Variants in PKD1L1 observed in about 807,000 individuals in gnomAD.
The protein encoded by PKD1L1 is polycystin-1-like protein 1.
PKD1L1 carries 236 observed loss-of-function variants against 323.4 expected under a neutral mutation model. The ratio of observed to expected loss-of-function variants is 0.73; its 90% confidence interval spans 0.66 to 0.81. The LOEUF (loss-of-function observed/expected upper bound fraction) is 0.81, where lower values mean the gene tolerates loss of function less well. Ranked by LOEUF, PKD1L1 falls within the 40% of genes least tolerant of loss-of-function variation. The pLI is 0.00. For missense variants in PKD1L1, 3,320 were observed against 3,508.0 expected (o/e 0.95, Z 1.35); for synonymous variants, 1,344 against 1,335.0 (o/e 1.01, Z -0.15).
intron 50 of PKD1L1, among the ~76,000 whole-genome samples, chr7:47,811,345 T>C (rs1430724789): frequency 1.3e-5 from 2 of 152,076 alleles, no homozygotes; most frequent in African/African-American, 2.4e-5. Flanking sequence ...TCAGTAGAGA[T>C]GGGTTTTCAC....
chr7:47,866,343 G>C, intron 25 of PKD1L1, 76 bp downstream of exon 25: 1 of 1,483,154 alleles, frequency 6.7e-7, no homozygotes, highest in East Asian at 2.3e-5. Flanking sequence ...CCACTTGCTA[G>C]TGAGCCAGCC....
At position 47,846,791 on chromosome 7, in the gene PKD1L1, A is replaced by C. The variant is rs562365129; in HGVS notation, c.5153+88T>G. The C allele has an allele frequency of 5.7e-6, 7 of 1,229,346 alleles. No homozygotes were observed. The African/African-American group carries it at 1.1e-4, about 19-fold the overall frequency. 76.2% of individuals were successfully genotyped at this position (1,229,346 alleles called of 1,614,324 possible). On this transcript the variant is annotated intron_variant, in intron 32 of 56. Coordinates refer to ENST00000289672, the MANE Select transcript of PKD1L1 (RefSeq NM_138295.5). ...CTCCAGCTTCTTATGGACAAGGTTC[A>C]GGAAAGGCTCTAGGGGTTGGGCCAA...
intron 56 of PKD1L1, among the ~76,000 whole-genome samples, chr7:47,782,875 G>A (rs1429539482): frequency 2.0e-5 from 3 of 152,120 alleles, no homozygotes; most frequent in Non-Finnish European, 4.4e-5. Flanking sequence ...CAAAACCAGT[G>A]GGAACTGCTG....
the PKD1L1 span, among the ~76,000 whole-genome samples, chr7:47,959,335 A>G: frequency 1.4e-5 from 2 of 147,102 alleles, no homozygotes; most frequent in African/African-American, 5.1e-5. Context: ...CTGGAAAGTG[A>G]GGAGCGTCTC....
In PKD1L1 at chr7:47,888,118, T is replaced by C; in HGVS notation, c.2708A>G (p.Asp903Gly). 2.5e-6 allele frequency: 4 copies of C among 1,613,982 alleles called. No individual in the cohort carries two copies. The highest frequency in any genetic ancestry group is 3.4e-6 in the Non-Finnish European group (4 of 1,179,926). Reference sequence around the variant, plus strand: ...TTCGTCATTCCAGTTGACGAAGGTGTCTTTAAAGCTGACCCAGGAGATGTG... The same window carrying C: ...TTCGTCATTCCAGTTGACGAAGGTGCCTTTAAAGCTGACCCAGGAGATGTG... ...FVHISWVSFK[D>G]TFVNWNDELS... The change falls in exon 17 of 57, where the codon GAC becomes GGC. Residue 903 changes from aspartate to glycine, a missense_variant. Asp to Gly is a moderately conservative substitution (Grantham distance 94). Coordinates refer to ENST00000289672, the MANE Select transcript of PKD1L1 (RefSeq NM_138295.5).
intron 50 of PKD1L1, among the ~76,000 whole-genome samples, chr7:47,810,036 A>G (rs1305935221): frequency 2.0e-5 from 3 of 152,232 alleles, no homozygotes; most frequent in Non-Finnish European, 4.4e-5. Flanking sequence ...GCACTTTCTT[A>G]AAGTTCTCTA....
chr7:47,803,186 C>A (rs766185571), intron 53 of PKD1L1, 24 bp downstream of exon 53: 1 of 1,613,606 alleles, frequency 6.2e-7, no homozygotes, highest in South Asian at 1.1e-5. Context: ...AGGGAAATCA[C>A]CTGATAAAGG....
intron 15 of PKD1L1, among the ~76,000 whole-genome samples, chr7:47,892,010 G>A (rs769502703): frequency 2.0e-5 from 3 of 152,152 alleles, no homozygotes; most frequent in Non-Finnish European, 2.9e-5. Flanking sequence ...GGAAAACAAC[G>A]CAACTCATCT....
intron 31 of PKD1L1, among the ~76,000 whole-genome samples, chr7:47,848,381 G>A (rs778013885): frequency 6.6e-6 from 1 of 152,152 alleles, no homozygotes; most frequent in Non-Finnish European, 1.5e-5. Context: ...AATACATACG[G>A]AGTGATTTCT....
chr7:47,937,319 C>T (rs1024857316), intron 3 of PKD1L1, among the ~76,000 whole-genome samples: 6 of 150,692 alleles, frequency 4.0e-5, no homozygotes, highest in Non-Finnish European at 7.4e-5. Flanking sequence ...CTGTGTGTGA[C>T]GACATCTAAG....
chr7:47,792,726 G>C lies in PKD1L1; in HGVS notation c.8427C>G (p.Ser2809Arg). The C allele has an allele frequency of 1.2e-6, 2 of 1,614,044 alleles. No individual in the cohort carries two copies. Among genetic ancestry groups the C allele is most frequent in the Admixed American group, 1.7e-5 (1 of 60,024 alleles). Residue 2809 changes from serine to arginine, a missense_variant, in exon 56 of 57, where the codon AGC becomes AGG. Physicochemically the swap from Ser to Arg is moderately radical, Grantham distance 110. Transcript: ENST00000289672. ...TTTTTTCCAGAAGGGGGAGTTGTAG[G>C]CTGTCGGACAAACCATTAATCTTCA... ...LLMKINGLSD[S>R]LQLPLLEKTS...
chr7:47,838,832 C>T (rs931136393), intron 36 of PKD1L1, among the ~76,000 whole-genome samples: 7 of 129,212 alleles, frequency 5.4e-5, no homozygotes, highest in South Asian at 4.9e-4. Flanking sequence ...GAGTCGAGAT[C>T]GTGCCACTGC....
intron 26 of PKD1L1, among the ~76,000 whole-genome samples, chr7:47,863,072 G>T (rs1048664277): frequency 6.6e-6 from 1 of 152,164 alleles, no homozygotes; most frequent in Non-Finnish European, 1.5e-5. Flanking sequence ...AGGCAGGAGA[G>T]GTAGGAAGAT....
Position 47,813,247 on chromosome 7 carries a change from C to T in PKD1L1, c.7220G>A (p.Cys2407Tyr), listed in dbSNP as rs117371504. 19 of 1,614,194 alleles carry T rather than the reference C, an allele frequency of 1.2e-5. No homozygotes were observed. The East Asian group carries it at 4.2e-4, about 36-fold the overall frequency. The change falls in exon 49 of 57, where the codon TGT becomes TAT. Residue 2407 changes from cysteine to tyrosine, a missense_variant. Physicochemically the swap from Cys to Tyr is radical, Grantham distance 194 (BLOSUM62 -2). Coordinates refer to ENST00000289672, the MANE Select transcript of PKD1L1 (RefSeq NM_138295.5). The part of the protein sequence containing the change: ...SALIEDSIPT[C>Y]SPEVGGPENP... ...CTCAGGGCCTCCAACTTCGGGACTA[C>T]ATGTAGGAATAGAGTCTTCGATGAG... is the stretch of plus-strand genomic sequence containing the variant.
chr7:47,894,542 C>T (rs1459328365), intron 14 of PKD1L1, among the ~76,000 whole-genome samples: 4 of 152,138 alleles, frequency 2.6e-5, no homozygotes, highest in Non-Finnish European at 5.9e-5. Flanking sequence ...ATAAAACATT[C>T]ATATTGTTCT....
At chr7:47,779,287 T>C (rs1465565079) in intron 56 of PKD1L1, among the ~76,000 whole-genome samples, 1 of 152,218 alleles carries the variant, frequency 6.6e-6, no homozygotes, top group Non-Finnish European at 1.5e-5. Flanking sequence ...GTGGTGTGTG[T>C]GGACAGCTTT....
At chr7:47,811,756 C>T (rs1784901041) in intron 50 of PKD1L1, 61 bp downstream of exon 50, 1 of 1,395,518 alleles carries the variant, frequency 7.2e-7, no homozygotes, top group Non-Finnish European at 9.9e-7. Context: ...AGAAGCCCAG[C>T]CCAGGTGAAG....
chr7:47,824,653 G>A (rs1785207554), intron 45 of PKD1L1, among the ~76,000 whole-genome samples: 1 of 152,074 alleles, frequency 6.6e-6, no homozygotes, highest in Non-Finnish European at 1.5e-5. Flanking sequence ...TTTATTTAGG[G>A]TGAGCGGATC....
intron 21 of PKD1L1, among the ~76,000 whole-genome samples, chr7:47,880,265 C>CACATATATAT (rs1786514243): frequency 1.3e-5 from 1 of 75,632 alleles, no homozygotes; most frequent in Non-Finnish European, 2.3e-5. Context: ...TATATATATA[C>CACATATATAT]ATATATATAT....
Sources: gnomAD v4.1 joint callset for allele counts (sites outside exome capture counted in the v4.1 genomes callset) on GRCh38, gnomAD v4.1.1 for gene constraint, MANE v1.5 for transcripts, NCBI Gene and HGNC (gene_info 2026-07-23, HGNC 2026-07-21) for gene names.